CD84: variants seen among roughly 807,000 people sequenced by gnomAD.
The protein encoded by CD84 is SLAM family member 5.
In CD84, 22 loss-of-function variants were observed where a neutral mutation model predicts 33.8. The observed-to-expected ratio is 0.65, with a 90% confidence interval of 0.46 to 0.93. The LOEUF (loss-of-function observed/expected upper bound fraction) is 0.93. Among genes scored for constraint, CD84 ranks in the 40% least tolerant of loss-of-function variants. CD84 has a pLI of 0.00. For synonymous variants in CD84, 154 were observed against 145.2 expected (o/e 1.06, Z -0.44); for missense variants, 400 against 397.6 (o/e 1.01, Z -0.05).
At position 160,541,201 on chromosome 1, in the gene CD84, G is replaced by T. The variant is rs963874407; in HGVS notation, c.*7055C>A. The T allele has an allele frequency of 5.9e-5, 9 of 152,030 alleles. No individual in the cohort carries two copies. Among genetic ancestry groups the T allele is most frequent in the African/African-American group, 2.2e-4 (9 of 41,388 alleles). The allele number at this position is 152,030 out of a possible 1,614,324, so 9.4% of individuals were successfully genotyped here. Reference sequence around the variant, plus strand: ...ATTTATGAACCATACTTTATTAATGGGCATTTACAAATGCCTGAAATAAAA... The same window carrying T: ...ATTTATGAACCATACTTTATTAATGTGCATTTACAAATGCCTGAAATAAAA... On this transcript the variant is annotated 3_prime_UTR_variant, in exon 7 of 7. Coordinates refer to ENST00000368054, the MANE Select transcript of CD84 (RefSeq NM_003874.4).
intron 1 of CD84, among the ~76,000 whole-genome samples, chr1:160,572,820 C>T (rs1332041872): frequency 2.0e-5 from 3 of 152,118 alleles, no homozygotes; most frequent in Non-Finnish European, 4.4e-5. Context: ...CCCTGGGGTG[C>T]AGGCTTAGAT....
At chr1:160,557,707 G>T (rs1379277975) in intron 2 of CD84, among the ~76,000 whole-genome samples, 1 of 152,108 alleles carries the variant, frequency 6.6e-6, no homozygotes. Context: ...TTTAAATTAT[G>T]CATTATATTT....
intron 1 of CD84, among the ~76,000 whole-genome samples, chr1:160,573,200 T>C (rs72708837): frequency 0.045 from 6,916 of 152,198 alleles, 216 homozygotes; most frequent in Non-Finnish European, 0.067. Context: ...ATAGATTGTA[T>C]AAAGATTGTT....
At chr1:160,564,894 T>A (rs11590035) in intron 2 of CD84, among the ~76,000 whole-genome samples, 38,910 of 152,110 alleles carry the variant, frequency 0.26, 5,391 homozygotes, top group Middle Eastern at 0.38. Flanking sequence ...CACACATAAA[T>A]GAATGCATGC....
chr1:160,553,920 G>T lies in CD84; in HGVS notation c.615C>A (p.Ser205=). 6.2e-7 allele frequency: 1 copy of T among 1,614,204 alleles called. No individual in the cohort carries two copies. ...CTGCACAGAGCTGCCGGGCAGAGATGGAGTCAGAATTGTTGCTGACAGGGT... is the reference window on the plus strand; with the variant it reads ...CTGCACAGAGCTGCCGGGCAGAGATTGAGTCAGAATTGTTGCTGACAGGGT... ...AQNPVSNNSD[S]ISARQLCADI... Residue 205 remains serine, a synonymous_variant, in exon 3 of 7, where the codon TCC becomes TCA. Coordinates refer to ENST00000368054, the MANE Select transcript of CD84 (RefSeq NM_003874.4).
Position 160,548,200 on chromosome 1 carries a change from C to T in CD84, c.*56G>A. 6.4e-7 allele frequency: 1 copy of T among 1,574,666 alleles called. No individual in the cohort carries two copies. Among genetic ancestry groups the T allele is most frequent in the Non-Finnish European group, 8.7e-7 (1 of 1,144,522 alleles). On this transcript the variant is annotated 3_prime_UTR_variant, in exon 7 of 7. Coordinates refer to ENST00000368054, the MANE Select transcript of CD84 (RefSeq NM_003874.4). ...CAGAGAAGATCTGGATCCAGGGAAC[C>T]TGCCAGTATTGGTGGTTGTAACTCA... is the stretch of plus-strand genomic sequence containing the variant.
At position 160,550,944 on chromosome 1, in the gene CD84, C is replaced by T; in HGVS notation, c.852G>A (p.Gln284=). ...AESRIYDEIL[Q]SKVLPSKEEP... ...ATGAATTGCATCAGCTCACCTTGGA[C>T]TGCAGGATTTCATCATAGATTCTGG... The change falls in exon 5 of 7, where the codon CAG becomes CAA. Residue 284 remains glutamine, a synonymous_variant. Coordinates refer to ENST00000368054, the MANE Select transcript of CD84 (RefSeq NM_003874.4). 1 of 1,613,864 alleles carries T rather than the reference C, an allele frequency of 6.2e-7. No homozygotes were observed. Among genetic ancestry groups the T allele is most frequent in the Non-Finnish European group, 8.5e-7 (1 of 1,179,754 alleles).
chr1:160,555,372 C>T (rs543675291), intron 2 of CD84, among the ~76,000 whole-genome samples: 8 of 152,116 alleles, frequency 5.3e-5, no homozygotes, highest in South Asian at 2.1e-4. Context: ...TGTGAGCCAC[C>T]GCACCCAGCC....
At chr1:160,550,895 G>T (rs376432976) in intron 5 of CD84, 43 bp downstream of exon 5, 172 of 1,609,428 alleles carry the variant, frequency 1.1e-4, no homozygotes, top group Non-Finnish European at 1.4e-4. Flanking sequence ...TCCCTGTCAT[G>T]GAGATGGTGG....
In CD84 at chr1:160,577,056, G is replaced by A. The variant is rs370610337; in HGVS notation, c.46+2336C>T. 4.3e-4 allele frequency among the ~76,000 whole-genome samples: 66 copies of A among 152,322 alleles called. 1 individual carries two copies. In the South Asian group the frequency reaches 0.013, roughly 31 times the overall value. On this transcript the variant is annotated intron_variant, in intron 1 of 6. Coordinates refer to ENST00000368054, the MANE Select transcript of CD84 (RefSeq NM_003874.4). ...GTCTCCCAGGGTATGTGGAGAGACA[G>A]TCAGAGTCATGGTGTTTCCAAAGTC...
rs201663416 is a variant in CD84, at chr1:160,565,541, C to G, written c.251G>C (p.Arg84Pro). 3 of 1,613,928 alleles carry G rather than the reference C, an allele frequency of 1.9e-6. No individual in the cohort carries two copies. The highest frequency in any genetic ancestry group is 2.5e-6 in the Non-Finnish European group (3 of 1,179,894). ...VTVTHRNYYE[R>P]IHALGPNYNL... Reference sequence around the variant, plus strand: ...GTAGTTCGGACCTAAGGCATGTATCCGTTCATAATAATTTCTGTGGGTCAC... The same window carrying G: ...GTAGTTCGGACCTAAGGCATGTATCGGTTCATAATAATTTCTGTGGGTCAC... The change falls in exon 2 of 7, where the codon CGG (arginine) becomes CCG (proline). Residue 84 changes from arginine (R) to proline (P), a missense_variant. By Grantham distance (103) the Arg-to-Pro change is moderately radical. Coordinates refer to ENST00000368054, the MANE Select transcript of CD84 (RefSeq NM_003874.4).
intron 5 of CD84, chr1:160,550,595 A>G (rs1031688540): frequency 1.2e-5 from 12 of 983,826 alleles, no homozygotes; most frequent in Non-Finnish European, 1.4e-5. Context: ...GTTGGTAGTC[A>G]CATAGCAGCC....
At chr1:160,558,696 T>C (rs1193670196) in intron 2 of CD84, among the ~76,000 whole-genome samples, 3 of 152,076 alleles carry the variant, frequency 2.0e-5, no homozygotes, top group Admixed American at 2.0e-4. Flanking sequence ...TTTGCTGAGC[T>C]AAAGGAGCAT....
intron 1 of CD84, among the ~76,000 whole-genome samples, chr1:160,573,786 A>G (rs182320235): frequency 1.2e-3 from 180 of 152,294 alleles, no homozygotes; most frequent in Non-Finnish European, 1.7e-3. Context: ...CACTGCTACT[A>G]TAATGCAATT....
At chr1:160,549,511 T>C (rs1656049590) in intron 6 of CD84, among the ~76,000 whole-genome samples, 1 of 152,196 alleles carries the variant, frequency 6.6e-6, no homozygotes, top group East Asian at 1.9e-4. Flanking sequence ...GCAAATGAAC[T>C]GAAATTCAGC....
intron 1 of CD84, chr1:160,571,456 G>C (rs540338991): frequency 1.3e-4 from 20 of 152,176 alleles, no homozygotes; most frequent in Non-Finnish European, 1.0e-4. Flanking sequence ...AATGGCCCTG[G>C]GTTTGCCCGT....
chr1:160,544,842 G>C lies in CD84; in HGVS notation c.*3414C>G, dbSNP rs1172351075. 1 of 152,212 alleles carries C rather than the reference G, an allele frequency of 6.6e-6. No individual in the cohort carries two copies. The highest frequency in any genetic ancestry group is 1.5e-5 in the Non-Finnish European group (1 of 68,046). 9.4% of individuals were successfully genotyped at this position (152,212 alleles called of 1,614,324 possible). On this transcript the variant is annotated 3_prime_UTR_variant, in exon 7 of 7. Transcript: ENST00000368054. ...GCCCAAGGTGTCTGCAGGCAGGACT[G>C]TCCTAACCTACTAGAACTTTCCACC...
rs1655662782 is a variant in CD84, at chr1:160,543,632, T to TTATTATTATTA, written c.*4623_*4624insTAATAATAATA. The stretch of plus-strand genomic sequence containing the variant: ...TATTATTATTATTATTATTATTATT[T>TTATTATTATTA]AGGTATATCCCCTGTTCTCTCAGTC... On this transcript the variant is annotated 3_prime_UTR_variant, in exon 7 of 7. Coordinates refer to ENST00000368054, the MANE Select transcript of CD84 (RefSeq NM_003874.4). 1 of 40,978 alleles carries TTATTATTATTA rather than the reference T, an allele frequency of 2.4e-5. No individual in the cohort carries two copies. The highest frequency in any genetic ancestry group is 2.1e-4 in the Admixed American group (1 of 4,860). The allele number at this position is 40,978 out of a possible 1,614,324, so 2.5% of individuals were successfully genotyped here.
chr1:160,553,412 T>A lies in CD84; in HGVS notation c.726A>T (p.Ser242=). The A allele has an allele frequency of 1.2e-6, 2 of 1,613,932 alleles. No individual in the cohort carries two copies. Among genetic ancestry groups the A allele is most frequent in the South Asian group, 2.2e-5 (2 of 91,070 alleles). ...TCTTGAACAAACGGAACAAAAACAC[T>A]GAAGACAGAATGAGAACAAGCAGAA... ...MFFLLVLILS[S]VFLFRLFKRR... Residue 242 remains serine, a synonymous_variant, in exon 4 of 7, where the codon TCA becomes TCT. Coordinates refer to ENST00000368054, the MANE Select transcript of CD84 (RefSeq NM_003874.4).
Sources: gnomAD v4.1 joint callset for allele counts (sites outside exome capture counted in the v4.1 genomes callset) on GRCh38, gnomAD v4.1.1 for gene constraint, MANE v1.5 for transcripts, NCBI Gene and HGNC (gene_info 2026-07-23, HGNC 2026-07-21) for gene names.